Variants in PARD3B observed in about 807,000 individuals in gnomAD.
PARD3B encodes the protein partitioning defective 3 homolog B.
A neutral mutation model predicts 130.2 loss-of-function variants in PARD3B; 103 were observed. The ratio of observed to expected loss-of-function variants is 0.79; its 90% CI spans 0.67 to 0.93. The LOEUF is 0.93. Among genes scored for constraint, PARD3B ranks in the 40% least tolerant of loss-of-function variants. PARD3B has a pLI of 0.00. For synonymous variants in PARD3B, 583 were observed against 553.2 expected (o/e 1.05, Z -0.76); for missense variants, 1,609 against 1,499.2 (o/e 1.07, Z -1.21).
intron 2 of PARD3B, among the ~76,000 whole-genome samples, chr2:204,918,777 G>A (rs1254767685): frequency 6.6e-6 from 1 of 151,950 alleles, no homozygotes; most frequent in Non-Finnish European, 1.5e-5. Context: ...TCTGTTTCCA[G>A]TTGATGTGGT....
chr2:205,351,097 CT>C lies in PARD3B; in HGVS notation c.2630+49398del. 6.6e-6 allele frequency among the ~76,000 whole-genome samples: 1 copy of C among 152,182 alleles called. No homozygotes were observed. Among genetic ancestry groups the C allele is most frequent in the Admixed American group, 6.5e-5 (1 of 15,286 alleles). ...TTCTCTTCAAATTAAGTGAAATTCTCTTGATATTTTTTCAAAAGGTGAATAT... is the reference window on the plus strand; with the variant it reads ...TTCTCTTCAAATTAAGTGAAATTCTCTGATATTTTTTCAAAAGGTGAATAT... On this transcript the variant is annotated intron_variant, in intron 18 of 22. Transcript: ENST00000406610. The surrounding 1 kb of genome is among the most constrained non-coding windows in gnomAD (Gnocchi z 4.2).
At chr2:204,841,547 A>G (rs868420691) in intron 2 of PARD3B, among the ~76,000 whole-genome samples, 1 of 152,130 alleles carries the variant, frequency 6.6e-6, no homozygotes, top group Non-Finnish European at 1.5e-5. Flanking sequence ...GTTTTGGGTC[A>G]CTTTAATATA....
Position 205,592,129 on chromosome 2 carries a change from C to T in PARD3B, c.3261-23327C>T, listed in dbSNP as rs1239507442. On this transcript the variant is annotated intron_variant, in intron 22 of 22. Transcript: ENST00000406610. The surrounding 1 kb of genome is among the most constrained non-coding windows in gnomAD (Gnocchi z 4.5). ...TAGGAGCTTGCTTAGTATCATAATT[C>T]CCACTTCCGAGTGAAGAAAATAAAC... Among the ~76,000 whole-genome samples, 1 of 152,178 alleles carries T rather than the reference C, an allele frequency of 6.6e-6. No homozygotes were observed. Among genetic ancestry groups the T allele is most frequent in the Non-Finnish European group, 1.5e-5 (1 of 68,042 alleles).
chr2:204,553,738 G>C lies in PARD3B; in HGVS notation c.120+7619G>C, dbSNP rs13418669. Among the ~76,000 whole-genome samples the C allele has an allele frequency of 3.8e-3, 558 of 144,946 alleles. 4 individuals carry two copies. Among genetic ancestry groups the C allele is most frequent in the African/African-American group, 0.013 (498 of 38,522 alleles). ...GGAATACACCTCAGCCATTAAAAGAGAGACTGAATTAATGGCATTTGCAGC... is the reference window on the plus strand; with the variant it reads ...GGAATACACCTCAGCCATTAAAAGACAGACTGAATTAATGGCATTTGCAGC... On this transcript the variant is annotated intron_variant, in intron 1 of 22. Transcript: ENST00000406610.
At chr2:205,168,385 A>G (rs1324515328) in intron 11 of PARD3B, among the ~76,000 whole-genome samples, 2 of 151,828 alleles carry the variant, frequency 1.3e-5, no homozygotes, top group East Asian at 3.9e-4. Flanking sequence ...TTACCAAGCA[A>G]CATCCTTGAA....
intron 3 of PARD3B, among the ~76,000 whole-genome samples, chr2:205,009,593 C>G (rs541384819): frequency 1.3e-5 from 2 of 151,496 alleles, no homozygotes; most frequent in South Asian, 4.2e-4. Context: ...ATGGCGTGAA[C>G]CCGGGAGGCG....
intron 21 of PARD3B, among the ~76,000 whole-genome samples, chr2:205,545,108 T>C (rs372107103): frequency 6.6e-6 from 1 of 152,246 alleles, no homozygotes; most frequent in Admixed American, 6.5e-5. Context: ...TGAGTGTGTG[T>C]TCTTTCGCCT....
intron 2 of PARD3B, among the ~76,000 whole-genome samples, chr2:204,822,768 A>C (rs1422144730): frequency 6.6e-6 from 1 of 152,228 alleles, no homozygotes; most frequent in African/African-American, 2.4e-5. Flanking sequence ...CTTTGATTGA[A>C]GACAAAATAT....
chr2:205,113,390 A>C lies in PARD3B; in HGVS notation c.594-101A>C, dbSNP rs1848948. The C allele has an allele frequency of 1.5e-5, 5 of 334,442 alleles. No individual in the cohort carries two copies. The Admixed American group carries it at 2.7e-4, about 18-fold the overall frequency. 20.7% of individuals were successfully genotyped at this position (334,442 alleles called of 1,614,324 possible). A position where few individuals can be genotyped will look rare whatever the true frequency, so the allele number is the denominator to read the frequency against. On this transcript the variant is annotated intron_variant, in intron 5 of 22. Transcript: ENST00000406610. Reference sequence around the variant, plus strand: ...TGTATTAGTTGATATAATCCTGAGCAGGGGTGTGTGTGTGTGTGTGTGTGT... The same window carrying C: ...TGTATTAGTTGATATAATCCTGAGCCGGGGTGTGTGTGTGTGTGTGTGTGT...
chr2:205,588,450 A>G (rs1171577709), intron 22 of PARD3B, among the ~76,000 whole-genome samples: 1 of 152,136 alleles, frequency 6.6e-6, no homozygotes, highest in Non-Finnish European at 1.5e-5. Context: ...AATTTTTATC[A>G]AACATGAGTG....
chr2:204,566,201 T>A (rs1256969445), intron 1 of PARD3B, among the ~76,000 whole-genome samples: 2 of 152,104 alleles, frequency 1.3e-5, no homozygotes, highest in Admixed American at 1.3e-4. Context: ...ATTTCACATT[T>A]AAAAAAAATC....
intron 4 of PARD3B, among the ~76,000 whole-genome samples, chr2:205,062,972 C>T (rs1234366343): frequency 6.6e-6 from 1 of 151,764 alleles, no homozygotes; most frequent in African/African-American, 2.4e-5. Context: ...AATATAGTTG[C>T]AGTGGGGGTG....
intron 11 of PARD3B, among the ~76,000 whole-genome samples, chr2:205,169,991 C>T (rs1023298750): frequency 2.1e-5 from 3 of 145,904 alleles, no homozygotes; most frequent in Admixed American, 7.0e-5. Flanking sequence ...AGTGCAGTGG[C>T]GCCATCTTGC....
chr2:204,632,102 C>T (rs958970105), intron 1 of PARD3B, among the ~76,000 whole-genome samples: 1 of 152,032 alleles, frequency 6.6e-6, no homozygotes, highest in African/African-American at 2.4e-5. Context: ...CATTAAAGAG[C>T]ACCATCCCCT....
chr2:205,378,509 C>G (rs73062557), intron 18 of PARD3B, among the ~76,000 whole-genome samples: 2,227 of 152,272 alleles, frequency 0.015, 48 homozygotes, highest in African/African-American at 0.051. Context: ...GAAAAGCCAA[C>G]ATGAGAGCTG....
At chr2:205,391,983 G>A (rs1046944849) in intron 18 of PARD3B, among the ~76,000 whole-genome samples, 6 of 151,884 alleles carry the variant, frequency 4.0e-5, no homozygotes, top group Admixed American at 1.3e-4. Flanking sequence ...CTTACAAATC[G>A]TCCATTCAGA....
chr2:204,578,510 C>G (rs1479692995), intron 1 of PARD3B, among the ~76,000 whole-genome samples: 1 of 152,044 alleles, frequency 6.6e-6, no homozygotes, highest in Non-Finnish European at 1.5e-5. Context: ...GTGGCTCTTG[C>G]CAGAATTCAG....
At chr2:205,043,962 C>A (rs995068271) in intron 3 of PARD3B, among the ~76,000 whole-genome samples, 2 of 146,100 alleles carry the variant, frequency 1.4e-5, no homozygotes, top group Admixed American at 6.8e-5. Context: ...CCCCCTCCCC[C>A]CAACCCACCA....
At chr2:205,389,988 C>T (rs1434319750) in intron 18 of PARD3B, among the ~76,000 whole-genome samples, 1 of 152,096 alleles carries the variant, frequency 6.6e-6, no homozygotes, top group African/African-American at 2.4e-5. Context: ...GAAAACAAAA[C>T]AAACTTTTTA....
Sources: gnomAD v4.1 joint callset for allele counts (sites outside exome capture counted in the v4.1 genomes callset) on GRCh38, gnomAD v4.1.1 for gene constraint, Gnocchi (gnomAD v3.1) non-coding constraint, MANE v1.5 for transcripts, NCBI Gene and HGNC (gene_info 2026-07-23, HGNC 2026-07-21) for gene names.